MYO16: variants seen among roughly 807,000 people sequenced by gnomAD.
MYO16 encodes the protein unconventional myosin-XVI.
Under a neutral mutation model 205.3 loss-of-function variants are expected in MYO16, and 94 were observed. The ratio of observed to expected loss-of-function variants is 0.46; its 90% confidence interval spans 0.39 to 0.54. The LOEUF (loss-of-function observed/expected upper bound fraction) is 0.54, where lower values mean the gene tolerates loss of function less well. MYO16 is among the 20% of genes least tolerant of loss of function. The pLI is 0.00. For synonymous variants in MYO16, 988 were observed against 954.0 expected, an observed-to-expected ratio of 1.04 and a Z score of -0.66; for missense variants, 2,315 against 2,387.5, an observed-to-expected ratio of 0.97 and a Z score of 0.63.
At chr13:108,902,857 A>C (rs1440384767) in intron 15 of MYO16, among the ~76,000 whole-genome samples, 1 of 152,218 alleles carries the variant, frequency 6.6e-6, no homozygotes, top group Non-Finnish European at 1.5e-5. Flanking sequence ...CAGTTACCGG[A>C]GTTCAACTGT....
the MYO16 span, among the ~76,000 whole-genome samples, chr13:108,517,881 C>G: frequency 6.6e-6 from 1 of 152,152 alleles, no homozygotes; most frequent in Non-Finnish European, 1.5e-5. Context: ...CTGCTTCATA[C>G]GTTGTGCCTT....
At chr13:108,540,359 C>T in the MYO16 span, among the ~76,000 whole-genome samples, 1 of 152,008 alleles carries the variant, frequency 6.6e-6, no homozygotes, top group Non-Finnish European at 1.5e-5. Flanking sequence ...AACAGTGGCT[C>T]TTGTGTCAAA....
chr13:108,597,778 G>A (rs558203082), intron 1 of MYO16, among the ~76,000 whole-genome samples: 9 of 152,194 alleles, frequency 5.9e-5, no homozygotes, highest in Non-Finnish European at 7.4e-5. Context: ...TGCGGTCATG[G>A]TCAAGGTAAA....
intron 20 of MYO16, among the ~76,000 whole-genome samples, chr13:108,987,213 G>A (rs578124576): frequency 1.8e-4 from 27 of 152,342 alleles, no homozygotes; most frequent in African/African-American, 6.0e-4. Context: ...GAATAGAGAA[G>A]GCCGGACGGC....
the MYO16 span, among the ~76,000 whole-genome samples, chr13:108,528,710 C>T: frequency 1.6e-5 from 2 of 122,154 alleles, no homozygotes; most frequent in Non-Finnish European, 3.4e-5. Context: ...CCTCCTCTCC[C>T]GTCACGTCAC....
intron 9 of MYO16, among the ~76,000 whole-genome samples, chr13:108,831,322 AT>A (rs1350951117): frequency 3.3e-5 from 5 of 152,190 alleles, no homozygotes; most frequent in South Asian, 2.1e-4. Flanking sequence ...AAAATCATTT[AT>A]TATTTGTAAT....
At chr13:109,014,125 T>C (rs150197841) in intron 22 of MYO16, among the ~76,000 whole-genome samples, 5,030 of 152,304 alleles carry the variant, frequency 0.033, 110 homozygotes, top group Non-Finnish European at 0.05. Context: ...CTTTAATCCA[T>C]CTTGAATTAA....
chr13:108,987,718 G>A (rs1884688618), intron 20 of MYO16, among the ~76,000 whole-genome samples: 2 of 152,148 alleles, frequency 1.3e-5, no homozygotes, highest in South Asian at 4.1e-4. Context: ...GGGTTTTTGT[G>A]CCAAGCAGGG....
chr13:109,048,619 A>T, intron 24 of MYO16: 1 of 337,248 alleles, frequency 3.0e-6, no homozygotes, highest in Non-Finnish European at 5.3e-6. Context: ...CACTCACTCT[A>T]TCATAAAAGC....
rs146013794 is a variant in MYO16, at chr13:108,676,716, T to G, written c.292+10567T>G. Among the ~76,000 whole-genome samples the G allele has an allele frequency of 1.8e-3, 281 of 152,208 alleles. 1 individual carries two copies. The highest frequency in any genetic ancestry group is 3.3e-3 in the Non-Finnish European group (224 of 68,000). On this transcript the variant is annotated intron_variant, in intron 2 of 34. Transcript: ENST00000457511. ...ACTGCTGCAAGTTACGGGACAAACC[T>G]CAGCAGCCCCAGAAGCCAGAGGAGA...
At chr13:108,889,128 TATTGTGAGGG>T (rs557673551) in intron 14 of MYO16, among the ~76,000 whole-genome samples, 5 of 152,066 alleles carry the variant, frequency 3.3e-5, no homozygotes, top group Non-Finnish European at 7.4e-5. Flanking sequence ...GAAAAGAAAT[TATTGTGAGGG>T]ATCACTGGGG....
chr13:108,811,196 T>C (rs1337667564), intron 7 of MYO16, among the ~76,000 whole-genome samples: 2 of 152,206 alleles, frequency 1.3e-5, no homozygotes, highest in Non-Finnish European at 2.9e-5. Context: ...CATCTTAATG[T>C]TTAAAAACCC....
At chr13:109,206,494 G>T in intron 34 of MYO16, 115 bp from the exon 35 acceptor site, 1 of 749,602 alleles carries the variant, frequency 1.3e-6, no homozygotes, top group Non-Finnish European at 2.2e-6. Context: ...GAGGAAAGAG[G>T]CTGCCTCTTT....
chr13:108,793,431 A>T (rs1886683214), intron 5 of MYO16, 85 bp from the exon 6 acceptor site: 4 of 1,318,960 alleles, frequency 3.0e-6, no homozygotes, highest in Non-Finnish European at 4.2e-6. Flanking sequence ...ACACATTGAA[A>T]GAATAGGTTA....
chr13:108,801,973 CAAAT>C (rs988369805), intron 6 of MYO16, among the ~76,000 whole-genome samples: 29 of 152,174 alleles, frequency 1.9e-4, no homozygotes, highest in African/African-American at 7.0e-4. Context: ...TTTAAATTGA[CAAAT>C]AATACTTATA....
intron 23 of MYO16, among the ~76,000 whole-genome samples, chr13:109,044,461 C>A (rs1302690002): frequency 6.6e-6 from 1 of 151,920 alleles, no homozygotes; most frequent in Non-Finnish European, 1.5e-5. Context: ...TTTAGTAAAT[C>A]CATAGTCCTT....
Position 109,055,160 on chromosome 13 carries a change from G to A in MYO16, c.3129+34G>A, listed in dbSNP as rs773391477. 26 of 1,488,942 alleles carry A rather than the reference G, an allele frequency of 1.7e-5. No individual in the cohort carries two copies. Among genetic ancestry groups the A allele is most frequent in the East Asian group, 1.1e-4 (5 of 44,078 alleles). 92.2% of individuals were successfully genotyped at this position (1,488,942 alleles called of 1,614,324 possible). A position where few individuals can be genotyped will look rare whatever the true frequency, so the allele number is the denominator to read the frequency against. ...CGTTTTCAGATTTCAAAAACTTAAT[G>A]TATGTTTATAGCAACTAAAGAGGGT... On this transcript the variant is annotated intron_variant, in intron 26 of 34. Transcript: ENST00000457511. This position sits in a 1 kb window ranked among gnomAD's most constrained non-coding sequence, Gnocchi z 5.0.
intron 2 of MYO16, among the ~76,000 whole-genome samples, chr13:108,701,015 A>ACGC (rs1883286690): frequency 6.6e-6 from 1 of 152,164 alleles, no homozygotes; most frequent in African/African-American, 2.4e-5. Flanking sequence ...TCCTAAGCGA[A>ACGC]GGCTGAGAGG....
intron 1 of MYO16, among the ~76,000 whole-genome samples, chr13:108,601,688 C>A (rs144543795): frequency 6.6e-6 from 1 of 152,268 alleles, no homozygotes; most frequent in Admixed American, 6.5e-5. Context: ...TTTGTCCCAA[C>A]TTCCAACCCT....
Sources: allele counts gnomAD v4.1 joint callset (sites outside exome capture counted in the v4.1 genomes callset), GRCh38; gene constraint gnomAD v4.1.1; non-coding constraint Gnocchi (gnomAD v3.1); transcripts MANE v1.5; gene names NCBI Gene and HGNC (gene_info 2026-07-23, HGNC 2026-07-21).